Variants in VAMP4 observed in about 807,000 individuals in gnomAD.
VAMP4 encodes vesicle-associated membrane protein 4.
In VAMP4, 19 loss-of-function variants were observed where a neutral mutation model predicts 23.5. That is an observed-to-expected ratio of 0.81 (90% CI 0.56 to 1.19). The LOEUF (loss-of-function observed/expected upper bound fraction) is 1.19. Among genes scored for constraint, VAMP4 ranks in the 50% most tolerant of loss-of-function variants. VAMP4 has a pLI of 0.00. For synonymous variants in VAMP4, 31 were observed against 51.0 expected (o/e 0.61, Z 1.67); for missense variants, 145 against 168.6 (o/e 0.86, Z 0.78).
chr1:171,715,735 G>A (rs915502828), intron 4 of VAMP4, among the ~76,000 whole-genome samples: 1 of 152,172 alleles, frequency 6.6e-6, no homozygotes, highest in Non-Finnish European at 1.5e-5. Context: ...CTGGCCAGGT[G>A]CAGTGGCTCA....
At position 171,700,412 on chromosome 1, in the gene VAMP4, A is replaced by C. The variant is rs1010406434; in HGVS notation, c.*4094T>G. On this transcript the variant is annotated 3_prime_UTR_variant, in exon 8 of 8. Transcript: ENST00000236192. ...AATTTAAAATAATGACATATACCCAAGACACAAAATAAAGGACTTGAATTT... is the reference window on the plus strand; with the variant it reads ...AATTTAAAATAATGACATATACCCACGACACAAAATAAAGGACTTGAATTT... The C allele has an allele frequency of 6.6e-6, 1 of 152,246 alleles. No homozygotes were observed. 9.4% of individuals were successfully genotyped at this position (152,246 alleles called of 1,614,324 possible). A position where few individuals can be genotyped will look rare whatever the true frequency, so the allele number is the denominator to read the frequency against.
rs1194417592 is a variant in VAMP4, at chr1:171,702,940, T to A, written c.*1566A>T. The A allele has an allele frequency of 6.6e-6, 1 of 151,910 alleles. No homozygotes were observed. Among genetic ancestry groups the A allele is most frequent in the Non-Finnish European group, 1.5e-5 (1 of 67,864 alleles). The allele number at this position is 151,910 out of a possible 1,614,324, so 9.4% of individuals were successfully genotyped here. A position where few individuals can be genotyped will look rare whatever the true frequency, so the allele number is the denominator to read the frequency against. On this transcript the variant is annotated 3_prime_UTR_variant, in exon 8 of 8. Coordinates refer to ENST00000236192, the MANE Select transcript of VAMP4 (RefSeq NM_003762.5). ...CTCAGTCTGCTTTCTCTCTTCAAAT[T>A]TTTTCCATTCTAAACAGCATTTTTT... is the stretch of plus-strand genomic sequence containing the variant.
At chr1:171,730,776 C>A (rs1655535404) in intron 2 of VAMP4, among the ~76,000 whole-genome samples, 2 of 151,854 alleles carry the variant, frequency 1.3e-5, no homozygotes, top group East Asian at 3.9e-4. Context: ...AATAATCAAT[C>A]TAGCATAAGG....
intron 4 of VAMP4, among the ~76,000 whole-genome samples, chr1:171,714,269 T>C (rs1654956651): frequency 6.6e-6 from 1 of 152,236 alleles, no homozygotes; most frequent in Non-Finnish European, 1.5e-5. Context: ...CATGATCTTT[T>C]ACATTTTCAC....
At chr1:171,719,086 C>A in intron 4 of VAMP4, 85 bp downstream of exon 4, 1 of 1,196,002 alleles carries the variant, frequency 8.4e-7, no homozygotes, top group South Asian at 1.4e-5. Flanking sequence ...AGGCTGCAGC[C>A]AGATTTGGCT....
intron 2 of VAMP4, among the ~76,000 whole-genome samples, chr1:171,732,283 G>A (rs1219874191): frequency 6.6e-6 from 1 of 151,694 alleles, no homozygotes; most frequent in East Asian, 1.9e-4. Flanking sequence ...CACTTTGGGA[G>A]GCCAAAGTGG....
chr1:171,706,475 C>G, intron 6 of VAMP4, 57 bp from the exon 7 acceptor site: 1 of 1,507,830 alleles, frequency 6.6e-7, no homozygotes, highest in Non-Finnish European at 9.1e-7. Context: ...AAAGTCAAGA[C>G]TATTTGTTGT....
In VAMP4 at chr1:171,703,148, G is replaced by GGAGT. The variant is rs1246416708; in HGVS notation, c.*1354_*1357dup. ...TCTATTAACCCTATTTTTAATTTAGGGAGTTTTATATTCATATTGTCAAGA... is the reference window on the plus strand; with the variant it reads ...TCTATTAACCCTATTTTTAATTTAGGGAGTGAGTTTTATATTCATATTGTCAAGA... On this transcript the variant is annotated 3_prime_UTR_variant, in exon 8 of 8. Transcript: ENST00000236192. 6.6e-6 allele frequency: 1 copy of GGAGT among 150,830 alleles called. No individual in the cohort carries two copies. The highest frequency in any genetic ancestry group is 1.9e-4 in the East Asian group (1 of 5,136). 9.3% of individuals were successfully genotyped at this position (150,830 alleles called of 1,614,324 possible).
intron 3 of VAMP4, among the ~76,000 whole-genome samples, chr1:171,726,335 C>T (rs933483113): frequency 1.3e-5 from 2 of 152,198 alleles, no homozygotes; most frequent in Non-Finnish European, 2.9e-5. Context: ...CAGGCGTGAG[C>T]CACTGCACCC....
intron 2 of VAMP4, among the ~76,000 whole-genome samples, chr1:171,737,015 G>A (rs149276030): frequency 2.0e-5 from 3 of 152,040 alleles, no homozygotes; most frequent in Non-Finnish European, 2.9e-5. Flanking sequence ...ACACAAAACC[G>A]CAAAAGCTGT....
chr1:171,704,906 A>C (rs1464509026), intron 7 of VAMP4, among the ~76,000 whole-genome samples: 1 of 151,976 alleles, frequency 6.6e-6, no homozygotes, highest in East Asian at 1.9e-4. Context: ...AGAGAAGTAT[A>C]TATAATAGTT....
In VAMP4 at chr1:171,703,325, A is replaced by G. The variant is rs1654511602; in HGVS notation, c.*1181T>C. 1 of 149,946 alleles carries G rather than the reference A, an allele frequency of 6.7e-6. No individual in the cohort carries two copies. The highest frequency in any genetic ancestry group is 2.1e-4 in the South Asian group (1 of 4,730). 9.3% of individuals were successfully genotyped at this position (149,946 alleles called of 1,614,324 possible). A position where few individuals can be genotyped will look rare whatever the true frequency, so the allele number is the denominator to read the frequency against. ...AAGTTAACACATTTTTTCATTATAA[A>G]AACAGGCTTAGGTTAATGGTCACTC... On this transcript the variant is annotated 3_prime_UTR_variant, in exon 8 of 8. Coordinates refer to ENST00000236192, the MANE Select transcript of VAMP4 (RefSeq NM_003762.5).
intron 2 of VAMP4, among the ~76,000 whole-genome samples, chr1:171,736,733 T>C (rs1655753305): frequency 2.0e-5 from 3 of 152,202 alleles, no homozygotes; most frequent in East Asian, 1.9e-4. Flanking sequence ...TCCCAGCACT[T>C]TGGGAGGCCA....
rs750811239 is a variant in VAMP4, at chr1:171,728,509, T to TA, written c.113+14dup. On this transcript the variant is annotated intron_variant, in intron 3 of 7. Coordinates refer to ENST00000236192, the MANE Select transcript of VAMP4 (RefSeq NM_003762.5). Reference sequence around the variant, plus strand: ...TGTCAATTACACCCTAATAAAGCTGTAAAAAAAAACTTACAGAAAAAAGTC... The same window carrying TA: ...TGTCAATTACACCCTAATAAAGCTGTAAAAAAAAAACTTACAGAAAAAAGTC... The TA allele has an allele frequency of 6.8e-4, 1,011 of 1,488,084 alleles. No homozygotes were observed. Among genetic ancestry groups the TA allele is most frequent in the Admixed American group, 1.4e-3 (59 of 42,552 alleles). 92.2% of individuals were successfully genotyped at this position (1,488,084 alleles called of 1,614,324 possible).
chr1:171,723,132 G>A (rs995476952), intron 3 of VAMP4, among the ~76,000 whole-genome samples: 27 of 152,090 alleles, frequency 1.8e-4, no homozygotes, highest in Middle Eastern at 3.2e-3. Flanking sequence ...CAAAGGGGAG[G>A]GAGTGTACTA....
At chr1:171,715,355 T>TA (rs1016606372) in intron 4 of VAMP4, among the ~76,000 whole-genome samples, 2 of 152,168 alleles carry the variant, frequency 1.3e-5, no homozygotes, top group Non-Finnish European at 2.9e-5. Context: ...TAAATCCTCT[T>TA]AGAGTCTGAC....
chr1:171,732,885 A>G lies in VAMP4; in HGVS notation c.67-4315T>C, dbSNP rs561272484. Among the ~76,000 whole-genome samples, 3 of 152,338 alleles carry G rather than the reference A, an allele frequency of 2.0e-5. 1 individual carries two copies. The highest frequency in any genetic ancestry group is 7.2e-5 in the African/African-American group (3 of 41,590). ...AAAACAAGGTTAAAAAACAAGCAAC[A>G]GACTGGGAAAAAACATCTGCAGTAT... On this transcript the variant is annotated intron_variant, in intron 2 of 7. Transcript: ENST00000236192.
chr1:171,727,706 CAT>C (rs1190054512), intron 3 of VAMP4, among the ~76,000 whole-genome samples: 2 of 152,158 alleles, frequency 1.3e-5, no homozygotes, highest in Non-Finnish European at 2.9e-5. Flanking sequence ...AAAATCCACA[CAT>C]AAGTGAATGC....
At chr1:171,714,617 C>T (rs1243217511) in intron 4 of VAMP4, among the ~76,000 whole-genome samples, 3 of 152,036 alleles carry the variant, frequency 2.0e-5, no homozygotes, top group Admixed American at 2.0e-4. Context: ...ACAAAAAATA[C>T]AAAAATTAGC....
Sources: gnomAD v4.1 joint callset for allele counts (sites outside exome capture counted in the v4.1 genomes callset) on GRCh38, gnomAD v4.1.1 for gene constraint, MANE v1.5 for transcripts, NCBI Gene and HGNC (gene_info 2026-07-23, HGNC 2026-07-21) for gene names.